STX8: variants seen among roughly 807,000 people sequenced by gnomAD.
STX8 encodes the protein syntaxin-8.
STX8 carries 23 observed loss-of-function variants against 37.5 expected under a neutral mutation model. The observed-to-expected ratio is 0.61, with a 90% confidence interval of 0.44 to 0.87. The LOEUF (loss-of-function observed/expected upper bound fraction) is 0.87, where lower values mean the gene tolerates loss of function less well. Among genes scored for constraint, STX8 ranks in the 40% least tolerant of loss-of-function variants. STX8 has a pLI of 0.00. For synonymous variants in STX8, 115 were observed against 99.1 expected, an observed-to-expected ratio of 1.16 and a Z score of -0.95; for missense variants, 313 against 284.7, an observed-to-expected ratio of 1.10 and a Z score of -0.71.
intron 7 of STX8, among the ~76,000 whole-genome samples, chr17:9,307,512 T>C (rs936805089): frequency 6.6e-6 from 1 of 152,212 alleles, no homozygotes; most frequent in African/African-American, 2.4e-5. Flanking sequence ...CAGCAGTGGT[T>C]CTGGCAATGG....
At chr17:9,426,287 G>A (rs1913626005) in intron 6 of STX8, among the ~76,000 whole-genome samples, 1 of 152,130 alleles carries the variant, frequency 6.6e-6, no homozygotes, top group South Asian at 2.1e-4. Flanking sequence ...AACACTTCGG[G>A]AGGCCAAGGT....
intron 4 of STX8, among the ~76,000 whole-genome samples, chr17:9,530,380 G>A (rs1018963500): frequency 6.6e-6 from 1 of 151,552 alleles, no homozygotes; most frequent in African/African-American, 2.4e-5. Context: ...TTCCATTTCA[G>A]CAAATACAGT....
Position 9,334,703 on chromosome 17 carries a change from AGAATTT to A in STX8, c.643+43843_643+43848del, listed in dbSNP as rs561268517. Among the ~76,000 whole-genome samples, 62 of 152,220 alleles carry A rather than the reference AGAATTT, an allele frequency of 4.1e-4. 1 individual carries two copies. Among genetic ancestry groups the A allele is most frequent in the Non-Finnish European group, 8.1e-4 (55 of 68,040 alleles). On this transcript the variant is annotated intron_variant, in intron 7 of 7. Transcript: ENST00000306357. ...CACAGACTAGGCATCTATCAATGGA[AGAATTT>A]ATTTGGCTCATGGTTCTGAAGGCTG... is the stretch of plus-strand genomic sequence containing the variant.
intron 4 of STX8, among the ~76,000 whole-genome samples, chr17:9,508,479 C>T (rs1449854321): frequency 6.6e-6 from 1 of 152,178 alleles, no homozygotes; most frequent in African/African-American, 2.4e-5. Context: ...AGGGGCATGC[C>T]ATCACATCCA....
At chr17:9,451,168 T>C (rs891577796) in intron 6 of STX8, among the ~76,000 whole-genome samples, 8 of 152,200 alleles carry the variant, frequency 5.3e-5, no homozygotes, top group African/African-American at 1.9e-4. Flanking sequence ...ATTCACTTTT[T>C]CCAGATCTAA....
intron 7 of STX8, among the ~76,000 whole-genome samples, chr17:9,333,494 T>C (rs1011043729): frequency 5.9e-5 from 9 of 152,152 alleles, no homozygotes; most frequent in Admixed American, 2.0e-4. Flanking sequence ...TTCACGCCAT[T>C]CTCCTGCCTC....
Position 9,537,415 on chromosome 17 carries a change from C to T in STX8, c.323+7757G>A, listed in dbSNP as rs552935728. On this transcript the variant is annotated intron_variant, in intron 4 of 7. Transcript: ENST00000306357. ...CATTCTTCTCCAGTCACAGGGAACA[C>T]GCACGCCTTGTGTCATGAGAGCACA... 1.3e-4 allele frequency among the ~76,000 whole-genome samples: 20 copies of T among 152,328 alleles called. No homozygotes were observed. In the East Asian group the frequency reaches 2.5e-3, roughly 19 times the overall value.
chr17:9,298,009 G>A (rs1176597356), intron 7 of STX8, among the ~76,000 whole-genome samples: 1 of 152,122 alleles, frequency 6.6e-6, no homozygotes, highest in African/African-American at 2.4e-5. Flanking sequence ...ATGACCTGAT[G>A]GGTAAAAAGA....
At chr17:9,439,922 A>G (rs1450525864) in intron 6 of STX8, among the ~76,000 whole-genome samples, 2 of 152,092 alleles carry the variant, frequency 1.3e-5, no homozygotes, top group African/African-American at 2.4e-5. Context: ...TTCTCACCCC[A>G]AAAGTACCCC....
At chr17:9,483,747 T>C (rs1227766660) in intron 6 of STX8, among the ~76,000 whole-genome samples, 1 of 152,156 alleles carries the variant, frequency 6.6e-6, no homozygotes, top group African/African-American at 2.4e-5. Flanking sequence ...GGACTGACTC[T>C]ACGAATACAA....
chr17:9,563,421 T>C (rs1444886374), intron 2 of STX8, among the ~76,000 whole-genome samples: 1 of 152,040 alleles, frequency 6.6e-6, no homozygotes, highest in African/African-American at 2.4e-5. Flanking sequence ...TGACCTCAGG[T>C]GATCCACCCG....
At chr17:9,484,329 G>A (rs552213566) in intron 6 of STX8, among the ~76,000 whole-genome samples, 1 of 151,586 alleles carries the variant, frequency 6.6e-6, no homozygotes, top group African/African-American at 2.4e-5. Flanking sequence ...AGGATCCTAG[G>A]GGAGCATGAA....
intron 6 of STX8, among the ~76,000 whole-genome samples, chr17:9,379,722 ACTTT>A: frequency 6.6e-6 from 1 of 152,238 alleles, no homozygotes; most frequent in African/African-American, 2.4e-5. Flanking sequence ...TAATCCCAGC[ACTTT>A]GGGAGGCCGA....
intron 6 of STX8, among the ~76,000 whole-genome samples, chr17:9,385,007 C>A (rs1911945583): frequency 6.8e-6 from 1 of 146,468 alleles, no homozygotes; most frequent in African/African-American, 2.6e-5. Flanking sequence ...AACTGTAAAG[C>A]TTCTAAAAGA....
chr17:9,277,616 T>C (rs995544037), intron 7 of STX8, among the ~76,000 whole-genome samples: 1 of 152,238 alleles, frequency 6.6e-6, no homozygotes. Context: ...CACAATAAAA[T>C]GATTACAAAT....
chr17:9,374,806 G>A (rs972758571), intron 7 of STX8, among the ~76,000 whole-genome samples: 4 of 152,040 alleles, frequency 2.6e-5, no homozygotes, highest in Non-Finnish European at 2.9e-5. Context: ...GCTCACACCC[G>A]TAATCCCAGC....
intron 1 of STX8, among the ~76,000 whole-genome samples, chr17:9,573,089 C>CA (rs55820332): frequency 4.1e-5 from 5 of 121,684 alleles, no homozygotes; most frequent in African/African-American, 1.2e-4. Context: ...CACCCCCCCC[C>CA]ACCCCCGCAA....
chr17:9,304,752 A>G (rs1202085580), intron 7 of STX8, among the ~76,000 whole-genome samples: 2 of 151,972 alleles, frequency 1.3e-5, no homozygotes, highest in Non-Finnish European at 1.5e-5. Context: ...AGTCTTATAC[A>G]ATGCTTTTGG....
chr17:9,562,178 C>T (rs1306235014), intron 2 of STX8, among the ~76,000 whole-genome samples: 1 of 150,524 alleles, frequency 6.6e-6, no homozygotes, highest in South Asian at 2.1e-4. Context: ...CTGAGGCAGG[C>T]GGATCACAAG....
Sources: allele counts gnomAD v4.1 joint callset (sites outside exome capture counted in the v4.1 genomes callset), GRCh38; gene constraint gnomAD v4.1.1; transcripts MANE v1.5; gene names NCBI Gene and HGNC (gene_info 2026-07-23, HGNC 2026-07-21).